The following ITGA9 variants were observed in gnomAD, a reference collection of about 807,000 sequenced individuals.
ITGA9 encodes integrin alpha-9.
Under a neutral mutation model 127.8 loss-of-function variants are expected in ITGA9, and 56 were observed. That is an observed-to-expected ratio of 0.44 (90% CI 0.35 to 0.55). The LOEUF (loss-of-function observed/expected upper bound fraction) is 0.55. ITGA9 is among the 20% of genes least tolerant of loss of function. ITGA9 has a pLI of 0.00. For synonymous variants in ITGA9, 508 were observed against 514.5 expected, an observed-to-expected ratio of 0.99 and a Z score of 0.17; for missense variants, 1,196 against 1,347.1, an observed-to-expected ratio of 0.89 and a Z score of 1.76.
At chr3:37,596,242 C>G (rs916743728) in intron 15 of ITGA9, among the ~76,000 whole-genome samples, 7 of 152,202 alleles carry the variant, frequency 4.6e-5, no homozygotes, top group African/African-American at 1.7e-4. Flanking sequence ...AGTCAAGATG[C>G]TTGACCACTT....
intron 15 of ITGA9, among the ~76,000 whole-genome samples, chr3:37,578,473 A>G (rs1699674122): frequency 6.6e-6 from 1 of 152,216 alleles, no homozygotes; most frequent in African/African-American, 2.4e-5. Context: ...GCAGCTGTCC[A>G]TCTTCAGTCT....
intron 15 of ITGA9, among the ~76,000 whole-genome samples, chr3:37,619,855 T>C (rs1239162946): frequency 6.6e-6 from 1 of 152,124 alleles, no homozygotes; most frequent in Non-Finnish European, 1.5e-5. Flanking sequence ...TTTTTGCTGC[T>C]TCTAGTCTCT....
intron 11 of ITGA9, 120 bp from the exon 12 acceptor site, chr3:37,523,401 T>G: frequency 1.3e-6 from 1 of 780,434 alleles, no homozygotes; most frequent in Non-Finnish European, 2.2e-6. Context: ...ATTACTTTTT[T>G]TTTTTCTTTC....
chr3:37,584,474 G>C (rs551529812), intron 15 of ITGA9, among the ~76,000 whole-genome samples: 1 of 152,270 alleles, frequency 6.6e-6, no homozygotes, highest in African/African-American at 2.4e-5. Context: ...GTAGGGGGCA[G>C]CTGATAAGTA....
At position 37,821,756 on chromosome 3, in the gene ITGA9, A is replaced by T. The variant is rs1697517828; in HGVS notation, c.*2767A>T. On this transcript the variant is annotated 3_prime_UTR_variant, in exon 28 of 28. Transcript: ENST00000264741. ...TGCTTGATTCTGCGTGGGTGGACCC[A>T]CATGAGCAGCTGTATACCCAGGAGG... 6.6e-6 allele frequency: 1 copy of T among 151,934 alleles called. No homozygotes were observed. Among genetic ancestry groups the T allele is most frequent in the Non-Finnish European group, 1.5e-5 (1 of 68,014 alleles). 9.4% of individuals were successfully genotyped at this position (151,934 alleles called of 1,614,324 possible). A position where few individuals can be genotyped will look rare whatever the true frequency, so the allele number is the denominator to read the frequency against.
At chr3:37,578,701 A>T (rs1391425058) in intron 15 of ITGA9, among the ~76,000 whole-genome samples, 2 of 152,146 alleles carry the variant, frequency 1.3e-5, no homozygotes, top group East Asian at 3.9e-4. Flanking sequence ...GGCCTTAAAC[A>T]AAATAATGAT....
chr3:37,569,903 A>C (rs1014922598), intron 15 of ITGA9, among the ~76,000 whole-genome samples: 1 of 152,236 alleles, frequency 6.6e-6, no homozygotes, highest in Non-Finnish European at 1.5e-5. Context: ...ATCTGAAAAA[A>C]TCCAAAATCT....
chr3:37,584,792 G>A (rs1050173043), intron 15 of ITGA9, among the ~76,000 whole-genome samples: 3 of 151,780 alleles, frequency 2.0e-5, no homozygotes, highest in Non-Finnish European at 4.4e-5. Flanking sequence ...TAATACAGTC[G>A]ATCACAGGCA....
chr3:37,755,148 A>G (rs1274211280), intron 23 of ITGA9, among the ~76,000 whole-genome samples: 1 of 152,194 alleles, frequency 6.6e-6, no homozygotes, highest in African/African-American at 2.4e-5. Context: ...TCCTTATGGC[A>G]CCTTCATAAG....
intron 5 of ITGA9, among the ~76,000 whole-genome samples, chr3:37,495,112 C>A (rs1275129173): frequency 6.6e-6 from 1 of 152,076 alleles, no homozygotes; most frequent in Non-Finnish European, 1.5e-5. Context: ...TATAGGCGCC[C>A]ACCGCCACAC....
intron 17 of ITGA9, among the ~76,000 whole-genome samples, chr3:37,662,101 T>C (rs537771465): frequency 6.6e-6 from 1 of 152,166 alleles, no homozygotes; most frequent in African/African-American, 2.4e-5. Context: ...GCTTTTAACC[T>C]AACAAGAATA....
chr3:37,560,682 T>A (rs1031617416), intron 15 of ITGA9, among the ~76,000 whole-genome samples: 1 of 152,230 alleles, frequency 6.6e-6, no homozygotes, highest in African/African-American at 2.4e-5. Context: ...TGGTTTTGAT[T>A]TGCATTTCTC....
chr3:37,783,007 T>C (rs1032675505), intron 25 of ITGA9, among the ~76,000 whole-genome samples: 2 of 151,974 alleles, frequency 1.3e-5, no homozygotes, highest in Admixed American at 6.6e-5. Context: ...GGCATGGTGG[T>C]GGGCACCTGT....
rs562545952 is a variant in ITGA9 at position 37,772,886 on chromosome 3, C to T, written c.2542-4506C>T. On this transcript the variant is annotated intron_variant, in intron 23 of 27. Transcript: ENST00000264741. ...CCCACCAGGGGCAGATGAGGTGTCA[C>T]ATTGCATCACATCACGCCATCGCCA... Among the ~76,000 whole-genome samples, 9 of 152,344 alleles carry T rather than the reference C, an allele frequency of 5.9e-5. No homozygotes were observed. In the South Asian group the frequency reaches 1.9e-3, roughly 32 times the overall value.
chr3:37,504,715 G>T (rs1466851640), intron 6 of ITGA9, among the ~76,000 whole-genome samples: 2 of 152,154 alleles, frequency 1.3e-5, no homozygotes, highest in Non-Finnish European at 2.9e-5. Context: ...GCTCTTATCA[G>T]CTGCAGGGAT....
chr3:37,506,271 T>A (rs1009494445), intron 7 of ITGA9, among the ~76,000 whole-genome samples, 186 bp downstream of exon 7: 5 of 152,070 alleles, frequency 3.3e-5, no homozygotes, highest in Admixed American at 2.0e-4. Flanking sequence ...TCAATTAGAG[T>A]GTGAGTATAC....
chr3:37,722,123 T>C (rs1701196801), intron 18 of ITGA9, among the ~76,000 whole-genome samples: 1 of 139,004 alleles, frequency 7.2e-6, no homozygotes, highest in African/African-American at 2.6e-5. Context: ...TCCCCACACA[T>C]GCTGGTTCTT....
chr3:37,658,451 T>C (rs966738299), intron 17 of ITGA9, among the ~76,000 whole-genome samples: 1 of 152,170 alleles, frequency 6.6e-6, no homozygotes, highest in Non-Finnish European at 1.5e-5. Context: ...CCATTCTTTA[T>C]GTTTTTTTGA....
At chr3:37,478,665 A>G (rs1698519301) in intron 3 of ITGA9, among the ~76,000 whole-genome samples, 1 of 152,218 alleles carries the variant, frequency 6.6e-6, no homozygotes, top group Non-Finnish European at 1.5e-5. Flanking sequence ...GACAGTCCCT[A>G]GGAATTTTTT....
Sources: allele counts gnomAD v4.1 joint callset (sites outside exome capture counted in the v4.1 genomes callset), GRCh38; gene constraint gnomAD v4.1.1; transcripts MANE v1.5; gene names NCBI Gene and HGNC (gene_info 2026-07-23, HGNC 2026-07-21).